Variants in GPX4 observed in about 807,000 individuals in gnomAD.
GPX4 encodes the protein phospholipid hydroperoxide glutathione peroxidase GPX4.
A neutral mutation model predicts 27.8 loss-of-function variants in GPX4; 28 were observed. The ratio of observed to expected loss-of-function variants is 1.01; its 90% CI spans 0.75 to 1.38. The LOEUF (loss-of-function observed/expected upper bound fraction) is 1.38, where lower values mean the gene tolerates loss of function less well. Ranked by LOEUF, GPX4 falls within the 40% of genes most tolerant of loss-of-function variation. GPX4 has a pLI of 0.00. For missense variants in GPX4, 357 were observed against 274.1 expected (o/e 1.30, Z -2.14); for synonymous variants, 163 against 107.8 (o/e 1.51, Z -3.17).
At chr19:1,106,151 G>A in intron 4 of GPX4, 91 bp from the exon 5 acceptor site, 1 of 1,255,064 alleles carries the variant, frequency 8.0e-7, no homozygotes, top group Non-Finnish European at 1.1e-6. Context: ...AGCCGGGGAA[G>A]CTCACACCCT....
At chr19:1,106,097 A>C in intron 4 of GPX4, 145 bp from the exon 5 acceptor site, 1 of 636,200 alleles carries the variant, frequency 1.6e-6, no homozygotes, top group Non-Finnish European at 2.5e-6. Context: ...CTCCTGGGGT[A>C]AGATGGCTCT....
At chr19:1,104,303 C>T (rs1009130614) in intron 1 of GPX4, 176 bp downstream of exon 1, 24 of 581,236 alleles carry the variant, frequency 4.1e-5, no homozygotes, top group Non-Finnish European at 6.0e-5. Flanking sequence ...CGTACTGCGA[C>T]GCGCTCCGCG....
At chr19:1,105,944 C>T (rs1333794213) in intron 4 of GPX4, 135 bp downstream of exon 4, 9 of 1,101,362 alleles carry the variant, frequency 8.2e-6, no homozygotes, top group African/African-American at 1.6e-5. Flanking sequence ...TCTCACATCG[C>T]GTGGCCTCCT....
chr19:1,104,315 C>T (rs1054489115), intron 1 of GPX4, 188 bp downstream of exon 1: 9 of 544,342 alleles, frequency 1.7e-5, no homozygotes, highest in African/African-American at 1.4e-4. Flanking sequence ...CGCTCCGCGG[C>T]CCTCCAGGCC....
rs2145172048 is a variant in GPX4 at position 1,106,754 on chromosome 19, C to T, written c.*182C>T. Reference sequence around the variant, plus strand: ...GCTCGGCGCCCCCACCCCTGGCTACCTTGTGGGAATAAACAGACAAATTAG... The same window carrying T: ...GCTCGGCGCCCCCACCCCTGGCTACTTTGTGGGAATAAACAGACAAATTAG... On this transcript the variant is annotated 3_prime_UTR_variant, in exon 7 of 7. Coordinates refer to ENST00000354171, the MANE Select transcript of GPX4 (RefSeq NM_002085.5). The T allele has an allele frequency of 1.4e-6, 1 of 704,720 alleles. No individual in the cohort carries two copies. The highest frequency in any genetic ancestry group is 1.8e-5 in the African/African-American group (1 of 55,698). 43.7% of individuals were successfully genotyped at this position (704,720 alleles called of 1,614,324 possible).
At position 1,104,681 on chromosome 19, in the gene GPX4, C is replaced by T. The variant is rs1438463011; in HGVS notation, c.85-505C>T. On this transcript the variant is annotated intron_variant, in intron 1 of 6. Transcript: ENST00000354171. Reference sequence around the variant, plus strand: ...GACTACGGCCTCCGGGCCCTTTGTCCCCGCTAGCGGCGCTCGGGGTGGGGG... The same window carrying T: ...GACTACGGCCTCCGGGCCCTTTGTCTCCGCTAGCGGCGCTCGGGGTGGGGG... The T allele has an allele frequency of 5.1e-6, 5 of 984,608 alleles. No homozygotes were observed. The Admixed American group carries it at 1.9e-4, about 37-fold the overall frequency. The allele number at this position is 984,608 out of a possible 1,614,324, so 61.0% of individuals were successfully genotyped here.
At chr19:1,106,026 C>T in intron 4 of GPX4, 1 of 701,324 alleles carries the variant, frequency 1.4e-6, no homozygotes, top group Non-Finnish European at 2.3e-6. Flanking sequence ...TTTGTGGCCT[C>T]CTGGGGACAG....
At chr19:1,106,149 A>G in intron 4 of GPX4, 93 bp from the exon 5 acceptor site, 1 of 1,212,580 alleles carries the variant, frequency 8.2e-7, no homozygotes, top group Non-Finnish European at 1.1e-6. Flanking sequence ...GCAGCCGGGG[A>G]AGCTCACACC....
In GPX4 at chr19:1,106,281, G is replaced by C. The variant is rs573806985; in HGVS notation, c.501+15G>C. The stretch of plus-strand genomic sequence containing the variant: ...ACTTCACCAAGGTAAGGGGGCTGTG[G>C]GGGGTAGGGGACCAGCTTCCCCTGG... On this transcript the variant is annotated intron_variant, in intron 5 of 6. Transcript: ENST00000354171. 1 of 1,605,876 alleles carries C rather than the reference G, an allele frequency of 6.2e-7. No homozygotes were observed. The highest frequency in any genetic ancestry group is 2.2e-5 in the East Asian group (1 of 44,804).
At position 1,104,026 on chromosome 19, in the gene GPX4, G is replaced by T; in HGVS notation, c.-18G>T. 6.6e-7 allele frequency: 1 copy of T among 1,516,514 alleles called. No homozygotes were observed. The highest frequency in any genetic ancestry group is 1.2e-5 in the South Asian group (1 of 82,200). 93.9% of individuals were successfully genotyped at this position (1,516,514 alleles called of 1,614,324 possible). A position where few individuals can be genotyped will look rare whatever the true frequency, so the allele number is the denominator to read the frequency against. Reference sequence around the variant, plus strand: ...GGCTGGACGAGGGGAGGAGCCGCTGGCTCCCAGCCCCGCCGCGATGAGCCT... The same window carrying T: ...GGCTGGACGAGGGGAGGAGCCGCTGTCTCCCAGCCCCGCCGCGATGAGCCT... On this transcript the variant is annotated 5_prime_UTR_variant, in exon 1 of 7. Coordinates refer to ENST00000354171, the MANE Select transcript of GPX4 (RefSeq NM_002085.5).
chr19:1,104,576 A>C, intron 1 of GPX4: 1 of 958,624 alleles, frequency 1.0e-6, no homozygotes, highest in Non-Finnish European at 1.2e-6. Flanking sequence ...AGGGCTGGAA[A>C]TCCCGGATCA....
In GPX4 at chr19:1,104,068, C is replaced by T; in HGVS notation, c.25C>T (p.Leu9=). MSLGRLCR[L]LKPALLCGAL... is the part of the protein sequence containing the mutation. ...GATGAGCCTCGGCCGCCTTTGCCGC[C>T]TACTGAAGCCGGCGCTGCTCTGTGG... The change falls in exon 1 of 7, where the codon CTA becomes TTA. Residue 9 remains leucine (L), a synonymous_variant. Transcript: ENST00000354171. The T allele has an allele frequency of 4.6e-6, 7 of 1,519,564 alleles. No individual in the cohort carries two copies. The highest frequency in any genetic ancestry group is 6.1e-6 in the Non-Finnish European group (7 of 1,140,122). The allele number at this position is 1,519,564 out of a possible 1,614,324, so 94.1% of individuals were successfully genotyped here.
At chr19:1,106,492 C>G in intron 6 of GPX4, 33 bp downstream of exon 6, 2 of 1,611,784 alleles carry the variant, frequency 1.2e-6, no homozygotes, top group Non-Finnish European at 1.7e-6. Context: ...GCTTGAGGCT[C>G]GGGGGCTTGG....
intron 1 of GPX4, 166 bp from the exon 2 acceptor site, chr19:1,105,020 G>A: frequency 6.9e-7 from 1 of 1,459,842 alleles, no homozygotes; most frequent in African/African-American, 1.4e-5. Flanking sequence ...AACCGGACCA[G>A]AAGTACAAGG....
intron 1 of GPX4, chr19:1,104,729 G>A (rs2079627058): frequency 2.0e-6 from 2 of 985,016 alleles, no homozygotes; most frequent in African/African-American, 3.5e-5. Context: ...CGGGAGACGG[G>A]CGGGTATGGG....
chr19:1,105,950 C>T, intron 4 of GPX4, 141 bp downstream of exon 4: 1 of 1,044,464 alleles, frequency 9.6e-7, no homozygotes, highest in Non-Finnish European at 1.4e-6. Flanking sequence ...ATCGCGTGGC[C>T]TCCTGGGGGT....
Position 1,104,013 on chromosome 19 carries a change from G to A in GPX4, c.-31G>A. 1 of 1,511,752 alleles carries A rather than the reference G, an allele frequency of 6.6e-7. No individual in the cohort carries two copies. Among genetic ancestry groups the A allele is most frequent in the Non-Finnish European group, 8.8e-7 (1 of 1,135,262 alleles). The allele number at this position is 1,511,752 out of a possible 1,614,324, so 93.6% of individuals were successfully genotyped here. Reference sequence around the variant, plus strand: ...GCGTCCATTGGTCGGCTGGACGAGGGGAGGAGCCGCTGGCTCCCAGCCCCG... The same window carrying A: ...GCGTCCATTGGTCGGCTGGACGAGGAGAGGAGCCGCTGGCTCCCAGCCCCG... On this transcript the variant is annotated 5_prime_UTR_variant, in exon 1 of 7. Transcript: ENST00000354171.
rs1165922939 is a variant in GPX4, at chr19:1,105,663, A to G, written c.330A>G (p.Pro110=). The change falls in exon 4 of 7, where the codon CCA becomes CCG. Residue 110 remains proline, a synonymous_variant. Transcript: ENST00000354171. ...FPCNQFGKQE[P]GSNEEIKEFA... ...ACACACCTTGGCCGCCACAGGAGCC[A>G]GGGAGTAACGAAGAGATCAAAGAGT... The G allele has an allele frequency of 1.1e-5, 18 of 1,612,872 alleles. No individual in the cohort carries two copies. The highest frequency in any genetic ancestry group is 1.5e-5 in the Non-Finnish European group (18 of 1,179,638).
intron 4 of GPX4, 118 bp from the exon 5 acceptor site, chr19:1,106,124 A>G (rs1326331409): frequency 2.2e-6 from 2 of 926,438 alleles, no homozygotes; most frequent in Non-Finnish European, 3.2e-6. Flanking sequence ...GCTTGGGGGC[A>G]CTGTGGCTGT....
Sources: gnomAD v4.1 joint callset for allele counts on GRCh38, gnomAD v4.1.1 for gene constraint, MANE v1.5 for transcripts, NCBI Gene and HGNC (gene_info 2026-07-23, HGNC 2026-07-21) for gene names.